Variants in OR51B5 observed in about 807,000 individuals in gnomAD.
OR51B5 encodes olfactory receptor 51B5.
For synonymous variants in OR51B5, 186 were observed against 144.8 expected, an observed-to-expected ratio of 1.28 and a Z score of -2.04; for missense variants, 456 against 374.6, an observed-to-expected ratio of 1.22 and a Z score of -1.79.
chr11:5,491,827 A>G (rs927637863), intron 1 of OR51B5, among the ~76,000 whole-genome samples: 1 of 152,214 alleles, frequency 6.6e-6, no homozygotes, highest in African/African-American at 2.4e-5. Context: ...CCTATGCACT[A>G]AAAAGAAATT....
At chr11:5,413,066 C>A (rs12224022) in intron 1 of OR51B5, among the ~76,000 whole-genome samples, 16 of 152,314 alleles carry the variant, frequency 1.1e-4, no homozygotes, top group African/African-American at 3.8e-4. Flanking sequence ...CTCACACGGC[C>A]TGATACTCCT....
At chr11:5,372,965 T>C (rs1849467711) in intron 1 of OR51B5, among the ~76,000 whole-genome samples, 1 of 152,238 alleles carries the variant, frequency 6.6e-6, no homozygotes, top group South Asian at 2.1e-4. Flanking sequence ...TACTATCACA[T>C]AAATAGACAC....
intron 1 of OR51B5, among the ~76,000 whole-genome samples, chr11:5,413,485 G>A (rs1471140995): frequency 6.6e-6 from 1 of 151,708 alleles, no homozygotes; most frequent in Non-Finnish European, 1.5e-5. Flanking sequence ...ATCAAACTAC[G>A]AGCTACAGGA....
At chr11:5,409,085 A>G (rs1850104985) in intron 1 of OR51B5, among the ~76,000 whole-genome samples, 1 of 152,166 alleles carries the variant, frequency 6.6e-6, no homozygotes, top group Admixed American at 6.5e-5. Context: ...TCTATGGAAG[A>G]CCAATATTCC....
At chr11:5,344,886 G>C (rs756030930), upstream of OR51B5, among the ~76,000 whole-genome samples, 3 of 152,126 alleles carry the variant, frequency 2.0e-5, no homozygotes, top group Non-Finnish European at 2.9e-5. Context: ...GGATGGTATT[G>C]TATACAAGAT....
chr11:5,395,014 GT>G (rs1290208104), intron 1 of OR51B5, among the ~76,000 whole-genome samples: 1 of 152,194 alleles, frequency 6.6e-6, no homozygotes, highest in African/African-American at 2.4e-5. Context: ...TTCTTATGAA[GT>G]TGGCAGCTGG....
chr11:5,367,828 C>A (rs776793057), intron 1 of OR51B5, among the ~76,000 whole-genome samples: 13 of 152,290 alleles, frequency 8.5e-5, no homozygotes, highest in Middle Eastern at 3.4e-3. Context: ...GAGGCACTTG[C>A]ACAATATATG....
At chr11:5,440,957 G>A in intron 1 of OR51B5, 1 of 1,613,960 alleles carries the variant, frequency 6.2e-7, no homozygotes, top group Non-Finnish European at 8.5e-7. Context: ...CTACTTTCAT[G>A]AGATCTGGAT....
intron 1 of OR51B5, among the ~76,000 whole-genome samples, chr11:5,367,771 A>G (rs1229275692): frequency 6.6e-6 from 1 of 152,210 alleles, no homozygotes; most frequent in African/African-American, 2.4e-5. Context: ...AATGCCTCTG[A>G]CAAAAGGAAC....
intron 1 of OR51B5, among the ~76,000 whole-genome samples, chr11:5,484,634 C>T (rs1342705194): frequency 6.6e-6 from 1 of 152,192 alleles, no homozygotes; most frequent in Non-Finnish European, 1.5e-5. Flanking sequence ...CATGTGTTCA[C>T]TTGATCTTCC....
intron 1 of OR51B5, among the ~76,000 whole-genome samples, chr11:5,462,370 G>C (rs1851069824): frequency 6.6e-6 from 1 of 152,326 alleles, no homozygotes; most frequent in South Asian, 2.1e-4. Context: ...TGAACTCAGG[G>C]AAGAGGGGAA....
chr11:5,471,049 C>G (rs1238540698), intron 1 of OR51B5, among the ~76,000 whole-genome samples: 1 of 152,200 alleles, frequency 6.6e-6, no homozygotes, highest in South Asian at 2.1e-4. Flanking sequence ...AAGAACTTGT[C>G]GTCTTCCAAT....
At chr11:5,343,065 C>A (rs12273630) in exon 1 of OR51B5, 2 of 1,613,030 alleles carry the variant, frequency 1.2e-6, no homozygotes, top group Non-Finnish European at 1.7e-6. Context: ...GGGGGAACAA[C>A]GGATACAAAT....
At chr11:5,466,916 T>C (rs1022895267) in intron 1 of OR51B5, among the ~76,000 whole-genome samples, 2 of 152,236 alleles carry the variant, frequency 1.3e-5, no homozygotes, top group African/African-American at 4.8e-5. Context: ...ATCACTTTCT[T>C]GTGTCTGCTT....
intron 1 of OR51B5, among the ~76,000 whole-genome samples, chr11:5,395,501 C>T (rs1849855056): frequency 1.3e-5 from 2 of 152,116 alleles, no homozygotes; most frequent in South Asian, 4.1e-4. Flanking sequence ...TCATATCTCC[C>T]GTGATGTTTT....
At chr11:5,422,464 G>T in intron 1 of OR51B5, 1 of 1,614,110 alleles carries the variant, frequency 6.2e-7, no homozygotes, top group Middle Eastern at 1.6e-4. Flanking sequence ...AGCTTCTCTG[G>T]TTCAACGTTC....
rs547841990 is a variant in OR51B5 at position 5,410,446 on chromosome 11, G to C, written n.85-63536C>G. On this transcript the variant is annotated intron_variant and non_coding_transcript_variant, in intron 1 of 4. Transcript: ENST00000415970. ...GTTATCTACGAGATAATCACTAAAA[G>C]AATAGTAAAATACGGTCATGTTTCA... 2.2e-4 allele frequency among the ~76,000 whole-genome samples: 33 copies of C among 152,080 alleles called. 1 individual carries two copies. The highest frequency in any genetic ancestry group is 1.8e-3 in the Admixed American group (28 of 15,278).
chr11:5,447,047 TACA>T (rs1232264729), intron 1 of OR51B5, among the ~76,000 whole-genome samples: 1 of 152,198 alleles, frequency 6.6e-6, no homozygotes, highest in African/African-American at 2.4e-5. Context: ...TTTCATGGAC[TACA>T]ACAAGTTGAT....
chr11:5,499,910 C>T (rs1050160825), intron 1 of OR51B5, among the ~76,000 whole-genome samples: 1 of 152,176 alleles, frequency 6.6e-6, no homozygotes, highest in African/African-American at 2.4e-5. Context: ...CTAGGACTCC[C>T]GTGGTCCTGA....
Sources: allele counts gnomAD v4.1 joint callset (sites outside exome capture counted in the v4.1 genomes callset), GRCh38; gene constraint gnomAD v4.1.1; transcripts MANE v1.5; gene names NCBI Gene and HGNC (gene_info 2026-07-23, HGNC 2026-07-21).